The following PRIM2 variants were observed in gnomAD, a reference collection of about 807,000 sequenced individuals.
The protein encoded by PRIM2 is DNA primase subunit 2, also known as DNA primase large subunit.
PRIM2 carries 39 observed loss-of-function variants against 67.3 expected under a neutral mutation model. The observed-to-expected ratio is 0.58, with a 90% confidence interval of 0.45 to 0.76. The LOEUF is 0.76. Ranked by LOEUF, PRIM2 falls within the 30% of genes least tolerant of loss-of-function variation. The probability of loss-of-function intolerance (pLI) is 0.00; values close to 1 mark genes in which losing one functional copy is unlikely to be tolerated. For missense variants in PRIM2, 398 were observed against 598.7 expected (o/e 0.66, Z 3.50); for synonymous variants, 143 against 198.7 (o/e 0.72, Z 2.36).
At chr6:57,330,375 G>GTTTTTTT (rs1768016631) in intron 5 of PRIM2, among the ~76,000 whole-genome samples, 5 of 83,398 alleles carry the variant, frequency 6.0e-5, no homozygotes, top group African/African-American at 9.5e-5. Context: ...TTGTTTTTTT[G>GTTTTTTT]TTTTTTTGTT....
At chr6:57,253,104 C>G in the PRIM2 span, among the ~76,000 whole-genome samples, 4 of 151,932 alleles carry the variant, frequency 2.6e-5, no homozygotes, top group African/African-American at 9.7e-5. Context: ...GGAGAGTGTT[C>G]AACTAAAATT....
chr6:57,422,536 A>C (rs1221783760), intron 7 of PRIM2, among the ~76,000 whole-genome samples: 1 of 152,286 alleles, frequency 6.6e-6, no homozygotes, highest in East Asian at 1.9e-4. Context: ...TGATGACCTG[A>C]GTATTATTAC....
chr6:57,579,188 G>C (rs1233717668), intron 10 of PRIM2, among the ~76,000 whole-genome samples: 1 of 132,430 alleles, frequency 7.6e-6, no homozygotes, highest in African/African-American at 2.8e-5. Flanking sequence ...TTTCTCTCTT[G>C]ATCTCCTTCA....
chr6:57,463,819 G>C (rs1458543631), intron 7 of PRIM2, among the ~76,000 whole-genome samples: 3 of 152,122 alleles, frequency 2.0e-5, no homozygotes, highest in Admixed American at 6.5e-5. Flanking sequence ...TAGCTGGCTG[G>C]TTAAAGAAAT....
At chr6:57,249,353 C>T in the PRIM2 span, among the ~76,000 whole-genome samples, 2 of 152,216 alleles carry the variant, frequency 1.3e-5, no homozygotes, top group South Asian at 4.1e-4. Context: ...CTTAGACTAG[C>T]TTAGATTGAG....
intron 7 of PRIM2, among the ~76,000 whole-genome samples, chr6:57,455,178 C>T (rs574027102): frequency 1.3e-5 from 2 of 152,110 alleles, no homozygotes; most frequent in African/African-American, 4.8e-5. Flanking sequence ...TGTTCTTTTA[C>T]ATTTGCTGAG....
chr6:57,323,659 A>G lies in PRIM2; in HGVS notation c.259-542A>G, dbSNP rs140982205. Among the ~76,000 whole-genome samples, 1,502 of 152,120 alleles carry G rather than the reference A, an allele frequency of 9.9e-3. 25 individuals carry two copies. Among genetic ancestry groups the G allele is most frequent in the African/African-American group, 0.034 (1,428 of 41,460 alleles). ...GGTCAAGGGGAGAGACAGCATTAGGACAAATACCTAATGCATGTGGGGCTT... is the reference window on the plus strand; with the variant it reads ...GGTCAAGGGGAGAGACAGCATTAGGGCAAATACCTAATGCATGTGGGGCTT... On this transcript the variant is annotated intron_variant, in intron 3 of 13. Transcript: ENST00000615550.
intron 10 of PRIM2, among the ~76,000 whole-genome samples, chr6:57,547,944 TC>T (rs1362449341): frequency 2.6e-5 from 4 of 152,216 alleles, no homozygotes; most frequent in Non-Finnish European, 5.9e-5. Context: ...CCAGTAGATC[TC>T]AGCATCAGCA....
intron 7 of PRIM2, among the ~76,000 whole-genome samples, chr6:57,439,952 A>C (rs1772148981): frequency 1.3e-5 from 2 of 152,126 alleles, no homozygotes; most frequent in South Asian, 4.1e-4. Context: ...TGCTCATTTA[A>C]AAATATTATA....
chr6:57,353,595 G>C (rs1347012413), intron 5 of PRIM2, among the ~76,000 whole-genome samples: 2 of 152,100 alleles, frequency 1.3e-5, no homozygotes, highest in Non-Finnish European at 2.9e-5. Context: ...CTACGGTTTT[G>C]GTGGTATTTA....
rs117592790 is a variant in PRIM2, at chr6:57,424,338, G to T, written c.693+42170G>T. 1.2e-3 allele frequency among the ~76,000 whole-genome samples: 190 copies of T among 152,200 alleles called. 5 individuals carry two copies. In the East Asian group the frequency reaches 0.016, roughly 13 times the overall value. On this transcript the variant is annotated intron_variant, in intron 7 of 13. Transcript: ENST00000615550. The stretch of plus-strand genomic sequence containing the variant: ...GCCAAAGTAGAGGATTTAGGGAAAA[G>T]TTCTTTTAAATTTTATCCAGGGAGA...
At chr6:57,273,951 G>A in the PRIM2 span, among the ~76,000 whole-genome samples, 1 of 152,204 alleles carries the variant, frequency 6.6e-6, no homozygotes, top group East Asian at 1.9e-4. Context: ...GGATATTGGT[G>A]AACCACAAAT....
chr6:57,302,114 A>G, the PRIM2 span, among the ~76,000 whole-genome samples: 1 of 152,222 alleles, frequency 6.6e-6, no homozygotes, highest in Non-Finnish European at 1.5e-5. Flanking sequence ...TTGAGCCCCC[A>G]AATATGAAAT....
At chr6:57,339,995 C>T (rs967191593) in intron 5 of PRIM2, among the ~76,000 whole-genome samples, 11 of 150,396 alleles carry the variant, frequency 7.3e-5, no homozygotes, top group African/African-American at 2.7e-4. Flanking sequence ...ACAATGAACT[C>T]AAACAAATTT....
chr6:57,412,324 GT>G (rs1771114032), intron 7 of PRIM2, among the ~76,000 whole-genome samples: 1 of 151,934 alleles, frequency 6.6e-6, no homozygotes, highest in African/African-American at 2.4e-5. Flanking sequence ...AAGTATATTT[GT>G]TTTATTTATC....
intron 10 of PRIM2, among the ~76,000 whole-genome samples, chr6:57,548,776 G>A (rs1357411454): frequency 1.3e-5 from 2 of 152,166 alleles, no homozygotes; most frequent in Non-Finnish European, 2.9e-5. Flanking sequence ...GTAGAAAGAA[G>A]AGCTGTGGGA....
chr6:57,427,779 T>C (rs1253173845), intron 7 of PRIM2, among the ~76,000 whole-genome samples: 1 of 152,200 alleles, frequency 6.6e-6, no homozygotes, highest in Non-Finnish European at 1.5e-5. Flanking sequence ...TCAGGAATAC[T>C]TTCTGAGATG....
chr6:57,288,249 A>C, the PRIM2 span, among the ~76,000 whole-genome samples: 1 of 152,226 alleles, frequency 6.6e-6, no homozygotes, highest in South Asian at 2.1e-4. Flanking sequence ...CTGAGGCTTG[A>C]ATAGGCGGTT....
intron 12 of PRIM2, among the ~76,000 whole-genome samples, chr6:57,612,904 C>G (rs1776691976): frequency 6.7e-6 from 1 of 149,978 alleles, no homozygotes. Flanking sequence ...AAGTGATCCT[C>G]TTGCCTCAGT....
Sources: allele counts gnomAD v4.1 joint callset (sites outside exome capture counted in the v4.1 genomes callset), GRCh38; gene constraint gnomAD v4.1.1; transcripts MANE v1.5; gene names NCBI Gene and HGNC (gene_info 2026-07-23, HGNC 2026-07-21).